The following GRIN2B variants were observed in gnomAD, a reference collection of about 807,000 sequenced individuals.
GRIN2B encodes glutamate receptor ionotropic, NMDA 2B.
A neutral mutation model predicts 114.5 loss-of-function variants in GRIN2B; 5 were observed. The ratio of observed to expected loss-of-function variants is 0.04; its 90% CI spans 0.02 to 0.09. The LOEUF (loss-of-function observed/expected upper bound fraction) is 0.09. Ranked by LOEUF, GRIN2B falls within the 10% of genes least tolerant of loss-of-function variation. GRIN2B has a pLI of 1.00. For missense variants in GRIN2B, 1,108 were observed against 1,943.5 expected (o/e 0.57, Z 8.08); for synonymous variants, 787 against 745.1 (o/e 1.06, Z -0.92).
intron 3 of GRIN2B, among the ~76,000 whole-genome samples, chr12:13,795,853 G>T (rs1259712459): frequency 6.6e-6 from 1 of 152,074 alleles, no homozygotes; most frequent in African/African-American, 2.4e-5. Context: ...AACATCACGT[G>T]TTCTAACTCA....
At chr12:13,762,165 G>A (rs763845988) in intron 3 of GRIN2B, among the ~76,000 whole-genome samples, 8 of 151,890 alleles carry the variant, frequency 5.3e-5, no homozygotes, top group South Asian at 2.1e-4. Context: ...CACCACGACC[G>A]GCTAATTTTT....
At position 13,616,675 on chromosome 12, in the gene GRIN2B, C is replaced by T. The variant is rs1379432062; in HGVS notation, c.1126-18G>A. ...TTCCCCACCTGCACAAGGATGAACA[C>T]AAGAATCAGAAACCACTGGCCACAA... On this transcript the variant is annotated intron_variant, in intron 5 of 13. Coordinates refer to ENST00000609686, the MANE Select transcript of GRIN2B (RefSeq NM_000834.5). 1 of 1,595,410 alleles carries T rather than the reference C, an allele frequency of 6.3e-7. No individual in the cohort carries two copies. Among genetic ancestry groups the T allele is most frequent in the African/African-American group, 1.3e-5 (1 of 74,432 alleles).
At chr12:13,785,792 C>T (rs950809597) in intron 3 of GRIN2B, among the ~76,000 whole-genome samples, 1 of 152,132 alleles carries the variant, frequency 6.6e-6, no homozygotes, top group Non-Finnish European at 1.5e-5. Flanking sequence ...GTTATGATTA[C>T]TATTTTCCAT....
intron 5 of GRIN2B, among the ~76,000 whole-genome samples, chr12:13,627,895 C>G (rs965515787): frequency 2.0e-5 from 3 of 152,216 alleles, no homozygotes; most frequent in Non-Finnish European, 4.4e-5. Context: ...TTCTATTCCC[C>G]ATGCACTCCT....
At chr12:13,840,686 T>C (rs1443236463) in intron 3 of GRIN2B, among the ~76,000 whole-genome samples, 2 of 152,228 alleles carry the variant, frequency 1.3e-5, no homozygotes. Flanking sequence ...GTTAGGTTAC[T>C]TTCTACCTTT....
At chr12:13,732,502 T>C (rs1472706361) in intron 4 of GRIN2B, among the ~76,000 whole-genome samples, 2 of 152,182 alleles carry the variant, frequency 1.3e-5, no homozygotes, top group African/African-American at 4.8e-5. Flanking sequence ...CTCCAACCCC[T>C]CCAAGATGTA....
intron 2 of GRIN2B, among the ~76,000 whole-genome samples, chr12:13,902,956 A>G (rs530903112): frequency 6.6e-6 from 1 of 152,270 alleles, no homozygotes; most frequent in East Asian, 1.9e-4. Flanking sequence ...TGAGTTTTCT[A>G]TTTATTTGTA....
At chr12:13,597,747 G>A (rs1464835995) in intron 10 of GRIN2B, among the ~76,000 whole-genome samples, 1 of 152,152 alleles carries the variant, frequency 6.6e-6, no homozygotes, top group African/African-American at 2.4e-5. Context: ...CGGTTACTTT[G>A]TGTGCTTTGT....
At chr12:13,784,223 C>CAAAAA (rs56197649) in intron 3 of GRIN2B, among the ~76,000 whole-genome samples, 1 of 71,904 alleles carries the variant, frequency 1.4e-5, no homozygotes, top group African/African-American at 5.9e-5. Flanking sequence ...GACTTCGCCT[C>CAAAAA]AAAAAAAAAA....
intron 2 of GRIN2B, among the ~76,000 whole-genome samples, chr12:13,933,247 G>A (rs1292860779): frequency 6.6e-6 from 1 of 152,088 alleles, no homozygotes; most frequent in Non-Finnish European, 1.5e-5. Context: ...TAAACCCTTT[G>A]AGTATGCCAT....
Position 13,632,438 on chromosome 12 carries a change from C to G in GRIN2B, c.1126-15781G>C, listed in dbSNP as rs960330877. Among the ~76,000 whole-genome samples, 3 of 152,204 alleles carry G rather than the reference C, an allele frequency of 2.0e-5. No individual in the cohort carries two copies. The East Asian group carries it at 5.8e-4, about 29-fold the overall frequency. ...TTAAGTGTAATGTGTACTCTTCGGG[C>G]TCAGGTGTGACTTTATGAGTAAAAG... is the stretch of plus-strand genomic sequence containing the variant. On this transcript the variant is annotated intron_variant, in intron 5 of 13. Transcript: ENST00000609686.
intron 2 of GRIN2B, among the ~76,000 whole-genome samples, chr12:13,926,140 G>C (rs773411686): frequency 2.6e-5 from 4 of 152,018 alleles, no homozygotes; most frequent in African/African-American, 4.8e-5. Flanking sequence ...AGAAGAAAGG[G>C]AAATGGTGCA....
intron 3 of GRIN2B, among the ~76,000 whole-genome samples, chr12:13,794,369 TC>T (rs1429763077): frequency 6.6e-6 from 1 of 152,200 alleles, no homozygotes; most frequent in African/African-American, 2.4e-5. Context: ...GCCAGTATTC[TC>T]CAGCAGCAGA....
intron 4 of GRIN2B, among the ~76,000 whole-genome samples, chr12:13,694,733 A>G (rs937487806): frequency 2.9e-5 from 4 of 137,492 alleles, no homozygotes; most frequent in African/African-American, 1.1e-4. Context: ...CCACATATCC[A>G]CTCTTCTCCT....
intron 2 of GRIN2B, among the ~76,000 whole-genome samples, chr12:13,951,813 T>C (rs1297409343): frequency 6.6e-6 from 1 of 152,142 alleles, no homozygotes; most frequent in Non-Finnish European, 1.5e-5. Context: ...CACCATACTA[T>C]ATAGCTGGTT....
At chr12:13,684,088 G>A (rs536690770) in intron 4 of GRIN2B, among the ~76,000 whole-genome samples, 1 of 152,194 alleles carries the variant, frequency 6.6e-6, no homozygotes, top group East Asian at 1.9e-4. Context: ...TAAGGCTTGG[G>A]AATATTTGTT....
chr12:13,727,586 GA>G (rs1863014452), intron 4 of GRIN2B, among the ~76,000 whole-genome samples: 2 of 152,178 alleles, frequency 1.3e-5, no homozygotes, highest in African/African-American at 4.8e-5. Context: ...CAAATTGTAA[GA>G]AATATATAAA....
At chr12:13,882,783 A>G (rs1591601288) in intron 2 of GRIN2B, among the ~76,000 whole-genome samples, 1 of 152,244 alleles carries the variant, frequency 6.6e-6, no homozygotes, top group Non-Finnish European at 1.5e-5. Context: ...TACAATTTGC[A>G]TACATTAAAA....
chr12:13,858,423 A>G (rs913505339), intron 3 of GRIN2B, among the ~76,000 whole-genome samples: 1 of 152,230 alleles, frequency 6.6e-6, no homozygotes, highest in Non-Finnish European at 1.5e-5. Flanking sequence ...CTACAGAATC[A>G]AAATACAATT....
Sources: allele counts gnomAD v4.1 joint callset (sites outside exome capture counted in the v4.1 genomes callset), GRCh38; gene constraint gnomAD v4.1.1; transcripts MANE v1.5; gene names NCBI Gene and HGNC (gene_info 2026-07-23, HGNC 2026-07-21).